The following DLGAP1 variants were observed in gnomAD, a reference collection of about 807,000 sequenced individuals.
DLGAP1 encodes the protein DLG associated protein 1.
A neutral mutation model predicts 90.8 loss-of-function variants in DLGAP1; 11 were observed. The ratio of observed to expected loss-of-function variants is 0.12; its 90% CI spans 0.08 to 0.20. The LOEUF (loss-of-function observed/expected upper bound fraction) is 0.20, where lower values mean the gene tolerates loss of function less well. DLGAP1 is among the 10% of genes least tolerant of loss of function. DLGAP1 has a pLI of 1.00. For missense variants in DLGAP1, 1,050 were observed against 1,333.8 expected, an observed-to-expected ratio of 0.79 and a Z score of 3.31; for synonymous variants, 558 against 540.7, an observed-to-expected ratio of 1.03 and a Z score of -0.44.
At chr18:3,533,194 G>T (rs1384431411) in intron 10 of DLGAP1, among the ~76,000 whole-genome samples, 8 of 152,234 alleles carry the variant, frequency 5.3e-5, no homozygotes, top group Admixed American at 5.2e-4. Flanking sequence ...GGGAGGTCAA[G>T]GCTGGGGTGA....
intron 1 of DLGAP1, among the ~76,000 whole-genome samples, chr18:4,272,665 A>G (rs1468834909): frequency 6.6e-6 from 1 of 152,320 alleles, no homozygotes; most frequent in East Asian, 1.9e-4. Flanking sequence ...CAGATTCAAC[A>G]TATATAAAAG....
At chr18:3,741,330 TCAC>T (rs376924253) in intron 6 of DLGAP1, among the ~76,000 whole-genome samples, 3,204 of 63,838 alleles carry the variant, frequency 0.05, 101 homozygotes, top group African/African-American at 0.14. Context: ...ACCACCACCA[TCAC>T]CACCACCACC....
chr18:3,611,995 C>A (rs1170488842), intron 7 of DLGAP1, among the ~76,000 whole-genome samples: 1 of 152,234 alleles, frequency 6.6e-6, no homozygotes, highest in Non-Finnish European at 1.5e-5. Context: ...CTAAGTGTAT[C>A]CACTTACATT....
At chr18:4,404,867 C>G (rs1473254497) in intron 1 of DLGAP1, among the ~76,000 whole-genome samples, 1 of 151,988 alleles carries the variant, frequency 6.6e-6, no homozygotes, top group African/African-American at 2.4e-5. Flanking sequence ...GATTTTAAAA[C>G]AAAAATAATA....
intron 1 of DLGAP1, among the ~76,000 whole-genome samples, chr18:4,453,840 A>T (rs776622974): frequency 1.3e-5 from 2 of 152,194 alleles, no homozygotes; most frequent in Non-Finnish European, 2.9e-5. Flanking sequence ...TGTCAGGAGT[A>T]AGGAGTGAAG....
intron 1 of DLGAP1, among the ~76,000 whole-genome samples, chr18:4,329,417 A>G (rs1278475515): frequency 6.6e-6 from 1 of 151,996 alleles, no homozygotes; most frequent in Non-Finnish European, 1.5e-5. Flanking sequence ...ACTTGAAATC[A>G]AATATTGTAA....
chr18:3,636,405 T>A (rs909396780), intron 7 of DLGAP1, among the ~76,000 whole-genome samples: 2 of 151,694 alleles, frequency 1.3e-5, no homozygotes, highest in Non-Finnish European at 2.9e-5. Context: ...TATACTTTTG[T>A]ATATAATTTT....
chr18:3,640,426 C>A (rs1432606912), intron 7 of DLGAP1, among the ~76,000 whole-genome samples: 2 of 152,194 alleles, frequency 1.3e-5, no homozygotes, highest in African/African-American at 4.8e-5. Flanking sequence ...TCAGGACCTG[C>A]TACACAGCGA....
intron 3 of DLGAP1, among the ~76,000 whole-genome samples, chr18:3,957,356 A>T (rs1031011160): frequency 6.6e-6 from 1 of 152,216 alleles, no homozygotes; most frequent in African/African-American, 2.4e-5. Flanking sequence ...TGGACACCTT[A>T]ACTGACAGCC....
chr18:4,340,114 T>C (rs1368135737), intron 1 of DLGAP1, among the ~76,000 whole-genome samples: 1 of 152,196 alleles, frequency 6.6e-6, no homozygotes, highest in Non-Finnish European at 1.5e-5. Context: ...AAGTTTAATT[T>C]ATAAAATAGG....
chr18:4,060,271 A>G (rs2075280563), intron 2 of DLGAP1, among the ~76,000 whole-genome samples: 1 of 152,178 alleles, frequency 6.6e-6, no homozygotes, highest in Admixed American at 6.5e-5. Context: ...ACTCTGTGCT[A>G]GTCTCCTCTG....
At chr18:4,087,615 C>T (rs1480593446) in intron 2 of DLGAP1, among the ~76,000 whole-genome samples, 1 of 152,170 alleles carries the variant, frequency 6.6e-6, no homozygotes, top group South Asian at 2.1e-4. Flanking sequence ...TGATTTCCCA[C>T]TCCACAACTC....
At chr18:3,902,210 A>G (rs535196536) in intron 3 of DLGAP1, among the ~76,000 whole-genome samples, 1 of 152,220 alleles carries the variant, frequency 6.6e-6, no homozygotes, top group African/African-American at 2.4e-5. Context: ...AGCAGGCTTC[A>G]GTGGGCACAG....
chr18:4,024,156 G>A (rs923887429), intron 2 of DLGAP1, among the ~76,000 whole-genome samples: 1 of 152,174 alleles, frequency 6.6e-6, no homozygotes, highest in African/African-American at 2.4e-5. Flanking sequence ...GGTAATCTCT[G>A]AGATAGTATA....
intron 1 of DLGAP1, among the ~76,000 whole-genome samples, chr18:4,292,264 T>C (rs1436531134): frequency 6.6e-6 from 1 of 152,150 alleles, no homozygotes; most frequent in Non-Finnish European, 1.5e-5. Context: ...TTCCACTTTA[T>C]CATTGTTTAA....
intron 7 of DLGAP1, among the ~76,000 whole-genome samples, chr18:3,690,218 T>C (rs1282929209): frequency 6.6e-6 from 1 of 151,640 alleles, no homozygotes; most frequent in African/African-American, 2.4e-5. Context: ...TTCCAAGTAG[T>C]TGGGACTGCA....
At chr18:4,348,590 T>C (rs571549159) in intron 1 of DLGAP1, among the ~76,000 whole-genome samples, 113 of 152,132 alleles carry the variant, frequency 7.4e-4, no homozygotes, top group Middle Eastern at 3.4e-3. Context: ...TACCTTTCGC[T>C]AAGAAAAAGA....
At chr18:4,248,280 C>T (rs771208521) in intron 1 of DLGAP1, among the ~76,000 whole-genome samples, 8 of 152,140 alleles carry the variant, frequency 5.3e-5, no homozygotes, top group Admixed American at 1.3e-4. Flanking sequence ...ACCTTCACGG[C>T]GAAATGAAGA....
intron 3 of DLGAP1, among the ~76,000 whole-genome samples, chr18:3,932,961 G>T (rs1036533613): frequency 3.3e-5 from 5 of 152,180 alleles, no homozygotes; most frequent in African/African-American, 1.2e-4. Flanking sequence ...CTGGACTCGG[G>T]GAGGTGACAG....
Sources: gnomAD v4.1 joint callset for allele counts (sites outside exome capture counted in the v4.1 genomes callset) on GRCh38, gnomAD v4.1.1 for gene constraint, MANE v1.5 for transcripts, NCBI Gene and HGNC (gene_info 2026-07-23, HGNC 2026-07-21) for gene names.